CDH18: variants seen among roughly 807,000 people sequenced by gnomAD.
CDH18 encodes cadherin 18.
A neutral mutation model predicts 67.9 loss-of-function variants in CDH18; 31 were observed. The ratio of observed to expected loss-of-function variants is 0.46; its 90% confidence interval spans 0.34 to 0.62. CDH18 has a LOEUF of 0.62. CDH18 is among the 20% of genes least tolerant of loss of function. The pLI is 0.01. For synonymous variants in CDH18, 362 were observed against 347.2 expected, an observed-to-expected ratio of 1.04 and a Z score of -0.48; for missense variants, 890 against 975.5, an observed-to-expected ratio of 0.91 and a Z score of 1.17.
At chr5:19,591,416 T>C (rs1745114979) in intron 6 of CDH18, among the ~76,000 whole-genome samples, 172 bp from the exon 7 acceptor site, 1 of 152,164 alleles carries the variant, frequency 6.6e-6, no homozygotes, top group African/African-American at 2.4e-5. Flanking sequence ...ATACTAGATT[T>C]ATATAAACTT....
At chr5:19,927,519 C>A (rs1421209321) in intron 2 of CDH18, among the ~76,000 whole-genome samples, 2 of 151,810 alleles carry the variant, frequency 1.3e-5, no homozygotes, top group Non-Finnish European at 1.5e-5. Flanking sequence ...ATAGACAGTA[C>A]CTTAATAATA....
At chr5:19,849,179 A>T (rs561253063) in intron 2 of CDH18, among the ~76,000 whole-genome samples, 110 of 152,040 alleles carry the variant, frequency 7.2e-4, no homozygotes, top group Admixed American at 1.4e-3. Context: ...CAGCCAATTA[A>T]ACTAGTCTCA....
chr5:20,548,338 G>A (rs546710366), intron 1 of CDH18, among the ~76,000 whole-genome samples: 20 of 151,722 alleles, frequency 1.3e-4, no homozygotes, highest in Admixed American at 2.6e-4. Context: ...TTGCAATACC[G>A]ACATTTTATT....
intron 2 of CDH18, among the ~76,000 whole-genome samples, chr5:20,129,263 ATC>A (rs1749071806): frequency 6.6e-6 from 1 of 152,010 alleles, no homozygotes; most frequent in South Asian, 2.1e-4. Flanking sequence ...CCCAAAATAT[ATC>A]TATATCTTTA....
intron 2 of CDH18, among the ~76,000 whole-genome samples, chr5:20,148,332 C>T (rs1232718953): frequency 6.6e-6 from 1 of 152,018 alleles, no homozygotes; most frequent in South Asian, 2.1e-4. Flanking sequence ...CTCCTGACCT[C>T]GTGATCCGCC....
chr5:20,572,421 T>C (rs1307845594), intron 1 of CDH18, among the ~76,000 whole-genome samples: 2 of 148,626 alleles, frequency 1.3e-5, no homozygotes, highest in African/African-American at 2.6e-5. Context: ...CATAATATAT[T>C]ATCTTTACAT....
intron 3 of CDH18, among the ~76,000 whole-genome samples, chr5:19,793,331 T>A (rs1776553009): frequency 6.6e-6 from 1 of 152,146 alleles, no homozygotes; most frequent in Non-Finnish European, 1.5e-5. Flanking sequence ...AAATAAGTAG[T>A]ATAACCATTA....
chr5:19,965,561 A>G lies in CDH18; in HGVS notation c.-257+15499T>C, dbSNP rs995962085. 2.0e-5 allele frequency among the ~76,000 whole-genome samples: 3 copies of G among 152,210 alleles called. No individual in the cohort carries two copies. The South Asian group carries it at 6.2e-4, about 32-fold the overall frequency. On this transcript the variant is annotated intron_variant, in intron 2 of 12. Transcript: ENST00000382275. ...AATAAATAGCATTATATGTTAGCAA[A>G]ATATCTATTAAAGTTGAATCAGTGT...
chr5:19,813,206 G>A (rs1778931553), intron 3 of CDH18, among the ~76,000 whole-genome samples: 1 of 151,958 alleles, frequency 6.6e-6, no homozygotes, highest in South Asian at 2.1e-4. Context: ...GGGTTGATGG[G>A]TGCAGCAAAC....
intron 2 of CDH18, among the ~76,000 whole-genome samples, chr5:20,028,598 T>A (rs1739119738): frequency 6.6e-6 from 1 of 152,162 alleles, no homozygotes; most frequent in Non-Finnish European, 1.5e-5. Flanking sequence ...AGACCCCCAA[T>A]GGATGCCTGA....
At chr5:19,727,916 T>C (rs944965868) in intron 4 of CDH18, among the ~76,000 whole-genome samples, 1 of 152,188 alleles carries the variant, frequency 6.6e-6, no homozygotes, top group African/African-American at 2.4e-5. Flanking sequence ...TTGGGCACTT[T>C]AATAAAGAAT....
intron 1 of CDH18, among the ~76,000 whole-genome samples, chr5:20,559,388 A>G (rs936333675): frequency 6.6e-6 from 1 of 152,054 alleles, no homozygotes; most frequent in African/African-American, 2.4e-5. Flanking sequence ...TAACTGGGGT[A>G]AATCAATAAT....
intron 1 of CDH18, among the ~76,000 whole-genome samples, chr5:20,568,776 C>T (rs1327199817): frequency 6.6e-6 from 1 of 152,156 alleles, no homozygotes; most frequent in African/African-American, 2.4e-5. Context: ...TTCGTACACT[C>T]ATTTGTCTGT....
chr5:20,324,660 T>A (rs1347332724), intron 1 of CDH18, among the ~76,000 whole-genome samples: 2 of 152,196 alleles, frequency 1.3e-5, no homozygotes, highest in African/African-American at 4.8e-5. Flanking sequence ...GCATAATCTT[T>A]CAATTATTTG....
intron 2 of CDH18, among the ~76,000 whole-genome samples, chr5:20,179,197 C>T (rs964220337): frequency 6.6e-6 from 1 of 152,098 alleles, no homozygotes; most frequent in African/African-American, 2.4e-5. Context: ...TTACTGAGCA[C>T]ATACTAAATA....
chr5:19,579,547 A>G (rs1221853237), intron 7 of CDH18, among the ~76,000 whole-genome samples: 3 of 151,884 alleles, frequency 2.0e-5, no homozygotes, highest in Non-Finnish European at 2.9e-5. Flanking sequence ...TTAAAATAAA[A>G]TAGACTGTTT....
In CDH18 at chr5:20,000,268, A is replaced by T. The variant is rs1350505566; in HGVS notation, c.-517-8254T>A. Among the ~76,000 whole-genome samples the T allele has an allele frequency of 2.0e-5, 3 of 152,294 alleles. No homozygotes were observed. The Middle Eastern group carries it at 0.01, about 518-fold the overall frequency. On this transcript the variant is annotated intron_variant, in intron 2 of 14. Coordinates refer to the CDH18 transcript ENST00000507958. ...ACTGAATACACAATGGTTGATTAGC[A>T]CTCTGATGGTTGTGTTATAAGATAA... is the stretch of plus-strand genomic sequence containing the variant.
chr5:19,500,461 T>G (rs1421961820), intron 11 of CDH18, among the ~76,000 whole-genome samples: 1 of 152,168 alleles, frequency 6.6e-6, no homozygotes, highest in Non-Finnish European at 1.5e-5. Flanking sequence ...AGGGGCTGAA[T>G]TTATGGAGGA....
intron 2 of CDH18, among the ~76,000 whole-genome samples, chr5:19,963,124 C>A (rs1003881740): frequency 6.6e-6 from 1 of 152,070 alleles, no homozygotes; most frequent in Admixed American, 6.5e-5. Flanking sequence ...CCCACAAATA[C>A]AAGCTAATGT....
Sources: allele counts gnomAD v4.1 joint callset (sites outside exome capture counted in the v4.1 genomes callset), GRCh38; gene constraint gnomAD v4.1.1; transcripts MANE v1.5; gene names NCBI Gene and HGNC (gene_info 2026-07-23, HGNC 2026-07-21).